The following LRRC7 variants were observed in gnomAD, a reference collection of about 807,000 sequenced individuals.
LRRC7 encodes leucine-rich repeat-containing protein 7.
A neutral mutation model predicts 175.7 loss-of-function variants in LRRC7; 23 were observed. That is an observed-to-expected ratio of 0.13 (90% CI 0.09 to 0.19). The LOEUF is 0.19. Ranked by LOEUF, LRRC7 falls within the 10% of genes least tolerant of loss-of-function variation. LRRC7 has a pLI of 1.00. For synonymous variants in LRRC7, 685 were observed against 680.9 expected, an observed-to-expected ratio of 1.01 and a Z score of -0.09; for missense variants, 1,354 against 1,904.7, an observed-to-expected ratio of 0.71 and a Z score of 5.38.
chr1:69,970,942 G>C (rs1238993476), intron 8 of LRRC7, among the ~76,000 whole-genome samples: 2 of 152,004 alleles, frequency 1.3e-5, no homozygotes, highest in Non-Finnish European at 2.9e-5. Flanking sequence ...TCATCAAGTG[G>C]GTTTTATACC....
chr1:70,067,148 G>T (rs1268890514), intron 23 of LRRC7, among the ~76,000 whole-genome samples: 1 of 151,984 alleles, frequency 6.6e-6, no homozygotes, highest in African/African-American at 2.4e-5. Context: ...TTACCATTGA[G>T]CTTGAGAGTT....
At chr1:69,739,807 C>T (rs773779404) in intron 2 of LRRC7, among the ~76,000 whole-genome samples, 1 of 151,998 alleles carries the variant, frequency 6.6e-6, no homozygotes, top group Admixed American at 6.6e-5. Flanking sequence ...ATGGTAGCTA[C>T]AAATCTGAAT....
In LRRC7 at chr1:70,053,063, A is replaced by G. The variant is rs778903265; in HGVS notation, c.4148A>G (p.Gln1383Arg). The change falls in exon 23 of 27, where the codon CAA (glutamine) becomes CGA (arginine). Residue 1383 changes from glutamine to arginine, a missense_variant. Physicochemically the swap from Gln to Arg is conservative, Grantham distance 43. Around this residue, in one of 4 missense-constraint regions of LRRC7, gnomAD observed 1,032 missense variants for 1,227.2 expected, o/e 0.84. Coordinates refer to ENST00000651989, the MANE Select transcript of LRRC7 (RefSeq NM_001370785.2). ...CAAAGCAACATTTTAGACAATGGAC[A>G]AGAAGATGTATCTCCTAGTGGCCAA... Reference protein sequence around the residue: ...SQQSNILDNGQEDVSPSGQWN... With the variant: ...SQQSNILDNGREDVSPSGQWN... The G allele has an allele frequency of 2.2e-5, 36 of 1,610,658 alleles. 1 individual carries two copies. In the South Asian group the frequency reaches 3.8e-4, roughly 17 times the overall value.
chr1:69,808,058 C>A (rs1018511746), intron 4 of LRRC7, among the ~76,000 whole-genome samples: 2 of 151,532 alleles, frequency 1.3e-5, no homozygotes, highest in Non-Finnish European at 2.9e-5. Flanking sequence ...GATCTTCAAT[C>A]TCTGATGTCC....
At chr1:69,608,862 CTCTCTATATATATATA>C (rs1392423514) in intron 1 of LRRC7, among the ~76,000 whole-genome samples, 78 of 22,130 alleles carry the variant, frequency 3.5e-3, no homozygotes, top group Middle Eastern at 0.018. Context: ...CTCTCTCTCT[CTCTCTATATATATATA>C]TATATATATA....
chr1:69,816,432 G>A (rs749442606), intron 4 of LRRC7, among the ~76,000 whole-genome samples: 4 of 152,276 alleles, frequency 2.6e-5, no homozygotes, highest in Non-Finnish European at 5.9e-5. Flanking sequence ...TATTCAAACC[G>A]TAGCAGGAAC....
At chr1:69,965,052 A>G (rs1461865355) in intron 8 of LRRC7, among the ~76,000 whole-genome samples, 4 of 152,206 alleles carry the variant, frequency 2.6e-5, no homozygotes, top group Admixed American at 1.3e-4. Context: ...ATTCTCAGAG[A>G]CAGTTATGGT....
chr1:69,732,904 G>T (rs1667732753), intron 2 of LRRC7, among the ~76,000 whole-genome samples: 1 of 152,006 alleles, frequency 6.6e-6, no homozygotes, highest in African/African-American at 2.4e-5. Flanking sequence ...TCCTGAGAAG[G>T]TGGGAATTAA....
chr1:69,583,395 G>T (rs1646276937), intron 1 of LRRC7, among the ~76,000 whole-genome samples: 2 of 151,942 alleles, frequency 1.3e-5, no homozygotes, highest in Non-Finnish European at 2.9e-5. Context: ...TATTTATGTT[G>T]CTACTTCCTT....
intron 1 of LRRC7, among the ~76,000 whole-genome samples, chr1:69,621,037 TTTTTTTTTTC>T (rs922494992): frequency 8.8e-6 from 1 of 113,540 alleles, no homozygotes; most frequent in Non-Finnish European, 2.2e-5. Flanking sequence ...TTCTTTCTTC[TTTTTTTTTTC>T]TTTTTTTTTC....
chr1:69,680,999 A>C (rs1297793594), intron 2 of LRRC7, among the ~76,000 whole-genome samples: 1 of 152,020 alleles, frequency 6.6e-6, no homozygotes, highest in Non-Finnish European at 1.5e-5. Context: ...TTTCAAACTA[A>C]ACATTTGTTT....
At position 70,144,189 on chromosome 1, in the gene LRRC7, T is replaced by TGAA. The variant is rs1667208929; in HGVS notation, c.*22305_*22307dup. On this transcript the variant is annotated 3_prime_UTR_variant, in exon 27 of 27. Transcript: ENST00000651989. ...TGTACAATGTGATTAGAATGCATTT[T>TGAA]GAAGATGCTTTCTGTACAGATACAA... The TGAA allele has an allele frequency of 1.3e-5, 2 of 152,262 alleles. No homozygotes were observed. The highest frequency in any genetic ancestry group is 1.3e-4 in the Admixed American group (2 of 15,288). 9.4% of individuals were successfully genotyped at this position (152,262 alleles called of 1,614,324 possible).
chr1:69,779,153 T>C lies in LRRC7; in HGVS notation c.304-12890T>C, dbSNP rs531301363. Among the ~76,000 whole-genome samples the C allele has an allele frequency of 4.6e-5, 7 of 152,216 alleles. No individual in the cohort carries two copies. The East Asian group carries it at 1.2e-3, about 25-fold the overall frequency. On this transcript the variant is annotated intron_variant, in intron 3 of 26. Transcript: ENST00000651989. The stretch of plus-strand genomic sequence containing the variant: ...GATTACCCTCTATAGACAAAGCCAG[T>C]AGTTTTTTATATGTCAACTAACAAA...
At chr1:69,762,972 T>G (rs942946264) in intron 3 of LRRC7, among the ~76,000 whole-genome samples, 2 of 152,060 alleles carry the variant, frequency 1.3e-5, no homozygotes, top group Non-Finnish European at 2.9e-5. Context: ...AACAGCCATG[T>G]AAGCTAGTTT....
intron 1 of LRRC7, among the ~76,000 whole-genome samples, chr1:69,581,057 A>G (rs1646180823): frequency 6.6e-6 from 1 of 152,156 alleles, no homozygotes; most frequent in South Asian, 2.1e-4. Context: ...GTGACTGGAT[A>G]TGGGGAGCAC....
At chr1:70,049,712 A>G (rs1190309254) in intron 22 of LRRC7, among the ~76,000 whole-genome samples, 2 of 152,114 alleles carry the variant, frequency 1.3e-5, no homozygotes, top group South Asian at 4.1e-4. Context: ...ATTGAAGCCT[A>G]TGAAATCACT....
intron 10 of LRRC7, among the ~76,000 whole-genome samples, chr1:69,993,866 G>A (rs1181666818): frequency 1.3e-5 from 2 of 152,156 alleles, no homozygotes; most frequent in Non-Finnish European, 2.9e-5. Flanking sequence ...TATGCCAAAT[G>A]CAGCTGTTCT....
chr1:69,756,791 T>C (rs1670480267), intron 2 of LRRC7, among the ~76,000 whole-genome samples: 1 of 151,426 alleles, frequency 6.6e-6, no homozygotes, highest in Non-Finnish European at 1.5e-5. Flanking sequence ...AAATAGGAAA[T>C]ATAACACAGG....
intron 2 of LRRC7, among the ~76,000 whole-genome samples, chr1:69,748,606 A>C (rs1181379161): frequency 2.0e-5 from 3 of 152,214 alleles, no homozygotes; most frequent in African/African-American, 7.2e-5. Flanking sequence ...CTGGCTTCTC[A>C]ATAGACCATG....
Sources: allele counts gnomAD v4.1 joint callset (sites outside exome capture counted in the v4.1 genomes callset), GRCh38; gene constraint gnomAD v4.1.1; regional missense constraint gnomAD v4.1.1; transcripts MANE v1.5; gene names NCBI Gene and HGNC (gene_info 2026-07-23, HGNC 2026-07-21).